Variants in TMEM232 observed in about 807,000 individuals in gnomAD.
TMEM232 encodes the protein transmembrane protein 232.
In TMEM232, 80 loss-of-function variants were observed where a neutral mutation model predicts 78.8. The observed-to-expected ratio is 1.01, with a 90% CI of 0.85 to 1.22. The LOEUF is 1.22. Ranked by LOEUF, TMEM232 falls within the 50% of genes most tolerant of loss-of-function variation. TMEM232 has a pLI of 0.00. For synonymous variants in TMEM232, 297 were observed against 254.3 expected, an observed-to-expected ratio of 1.17 and a Z score of -1.60; for missense variants, 881 against 742.2, an observed-to-expected ratio of 1.19 and a Z score of -2.17.
At chr5:110,667,517 GTAAACCA>G (rs1356066195) in intron 1 of TMEM232, among the ~76,000 whole-genome samples, 153 bp from the exon 2 acceptor site, 1 of 152,048 alleles carries the variant, frequency 6.6e-6, no homozygotes, top group African/African-American at 2.4e-5. Context: ...AAATAAATAA[GTAAACCA>G]TAAGGATATG....
intron 10 of TMEM232, among the ~76,000 whole-genome samples, chr5:110,588,970 T>A (rs1392469317): frequency 6.6e-6 from 1 of 152,090 alleles, no homozygotes; most frequent in Non-Finnish European, 1.5e-5. Flanking sequence ...CATTTCCAAG[T>A]TTTATTATTA....
chr5:110,692,924 A>T (rs1794307205), intron 1 of TMEM232, among the ~76,000 whole-genome samples: 1 of 152,198 alleles, frequency 6.6e-6, no homozygotes, highest in African/African-American at 2.4e-5. Context: ...TGCAGACTTA[A>T]ATGTCCCTGT....
chr5:110,642,081 G>C (rs1210366440), intron 3 of TMEM232, among the ~76,000 whole-genome samples, 179 bp downstream of exon 3: 1 of 151,980 alleles, frequency 6.6e-6, no homozygotes, highest in East Asian at 1.9e-4. Context: ...AATTTACAGG[G>C]AGCTTTTATT....
intron 2 of TMEM232, among the ~76,000 whole-genome samples, chr5:110,403,806 A>T (rs935338417): frequency 2.6e-5 from 4 of 151,974 alleles, no homozygotes; most frequent in Non-Finnish European, 5.9e-5. Context: ...AGAGACCTGT[A>T]AATTGATTTT....
chr5:110,636,949 T>C (rs1355320081), intron 5 of TMEM232, among the ~76,000 whole-genome samples: 1 of 151,872 alleles, frequency 6.6e-6, no homozygotes, highest in Non-Finnish European at 1.5e-5. Flanking sequence ...TTTGTAGCTA[T>C]TTTTTTCTTG....
At chr5:110,593,034 T>C (rs1373047525) in intron 10 of TMEM232, among the ~76,000 whole-genome samples, 2 of 152,182 alleles carry the variant, frequency 1.3e-5, no homozygotes, top group Admixed American at 6.5e-5. Context: ...TTGGATGTCA[T>C]ACCAAACAGA....
At chr5:110,523,007 G>T (rs944375406) in intron 12 of TMEM232, among the ~76,000 whole-genome samples, 12 of 152,078 alleles carry the variant, frequency 7.9e-5, no homozygotes, top group African/African-American at 2.4e-4. Context: ...ATGTTTAGTA[G>T]GATTCACCAA....
chr5:110,609,080 G>A (rs1781857981), intron 8 of TMEM232, among the ~76,000 whole-genome samples: 1 of 151,958 alleles, frequency 6.6e-6, no homozygotes, highest in Non-Finnish European at 1.5e-5. Context: ...GTTTTCCTAG[G>A]TTCTTCTTAC....
chr5:110,469,662 T>A (rs1452896440), intron 12 of TMEM232, among the ~76,000 whole-genome samples: 2 of 152,194 alleles, frequency 1.3e-5, no homozygotes, highest in Non-Finnish European at 2.9e-5. Flanking sequence ...ACTGAGGTGA[T>A]GCTCTGTATC....
In TMEM232 at chr5:110,645,314, C is replaced by G. The variant is rs370091538; in HGVS notation, c.126-2943G>C. Among the ~76,000 whole-genome samples, 22 of 151,452 alleles carry G rather than the reference C, an allele frequency of 1.5e-4. No homozygotes were observed. The East Asian group carries it at 2.7e-3, about 19-fold the overall frequency. ...CCAAAGTCCCTAGTGAACGTCAATGCAAAAATCATAAATAAAATACTAGCA... is the reference window on the plus strand; with the variant it reads ...CCAAAGTCCCTAGTGAACGTCAATGGAAAAATCATAAATAAAATACTAGCA... On this transcript the variant is annotated intron_variant, in intron 2 of 13. Coordinates refer to ENST00000455884, the MANE Select transcript of TMEM232 (RefSeq NM_001039763.4).
chr5:110,712,939 T>TC lies in TMEM232; in HGVS notation c.-13+13687dup. Among the ~76,000 whole-genome samples, 13 of 152,226 alleles carry TC rather than the reference T, an allele frequency of 8.5e-5. 2 individuals carry two copies. The highest frequency in any genetic ancestry group is 5.8e-4 in the East Asian group (3 of 5,184). On this transcript the variant is annotated intron_variant, in intron 1 of 13. Transcript: ENST00000455884. ...ACCCCAAAGAAGGGAAATTAGTATA[T>TC]CAAAAAGATATCTGCACTCTCATGT...
intron 1 of TMEM232, among the ~76,000 whole-genome samples, chr5:110,718,036 C>G (rs918595302): frequency 6.6e-6 from 1 of 152,090 alleles, no homozygotes; most frequent in Non-Finnish European, 1.5e-5. Context: ...TAAGAAGGAT[C>G]TGAATATTTT....
chr5:110,626,000 T>A (rs1784380739), intron 6 of TMEM232, among the ~76,000 whole-genome samples: 1 of 151,958 alleles, frequency 6.6e-6, no homozygotes, highest in African/African-American at 2.4e-5. Context: ...TGGGTTTTAG[T>A]CCATCCACAT....
intron 12 of TMEM232, among the ~76,000 whole-genome samples, chr5:110,433,662 G>A (rs1364480624): frequency 6.6e-6 from 1 of 152,014 alleles, no homozygotes; most frequent in Non-Finnish European, 1.5e-5. Context: ...TGCTTAGTTT[G>A]TTGAGAGATT....
chr5:110,516,596 C>A (rs1768689341), intron 12 of TMEM232, among the ~76,000 whole-genome samples: 1 of 151,738 alleles, frequency 6.6e-6, no homozygotes, highest in Admixed American at 6.6e-5. Context: ...ATGATTTTTT[C>A]ATATTTTTAA....
chr5:110,561,482 C>G (rs1384013374), intron 11 of TMEM232, among the ~76,000 whole-genome samples: 1 of 151,140 alleles, frequency 6.6e-6, no homozygotes, highest in Non-Finnish European at 1.5e-5. Context: ...AGATGACATA[C>G]AGTAAATATC....
At chr5:110,615,868 G>A (rs1782859495) in intron 8 of TMEM232, among the ~76,000 whole-genome samples, 1 of 151,600 alleles carries the variant, frequency 6.6e-6, no homozygotes, top group Non-Finnish European at 1.5e-5. Context: ...AATATCTGAA[G>A]AAGATATTAT....
At chr5:110,663,471 T>C (rs1268974529) in intron 2 of TMEM232, among the ~76,000 whole-genome samples, 1 of 152,052 alleles carries the variant, frequency 6.6e-6, no homozygotes, top group African/African-American at 2.4e-5. Context: ...AAATTCATTA[T>C]AAGTGTCACT....
At chr5:110,712,152 G>GA (rs1291228920) in intron 1 of TMEM232, among the ~76,000 whole-genome samples, 1 of 129,378 alleles carries the variant, frequency 7.7e-6, no homozygotes, top group Non-Finnish European at 1.7e-5. Flanking sequence ...ACTACTACAA[G>GA]AAAACCTTGA....
Sources: gnomAD v4.1 joint callset for allele counts (sites outside exome capture counted in the v4.1 genomes callset) on GRCh38, gnomAD v4.1.1 for gene constraint, MANE v1.5 for transcripts, NCBI Gene and HGNC (gene_info 2026-07-23, HGNC 2026-07-21) for gene names.